The following SHISA9 variants were observed in gnomAD, a reference collection of about 807,000 sequenced individuals.
SHISA9 encodes the protein protein shisa-9.
SHISA9 carries 13 observed loss-of-function variants against 38.0 expected under a neutral mutation model. The ratio of observed to expected loss-of-function variants is 0.34; its 90% CI spans 0.22 to 0.54. The LOEUF is 0.54. Ranked by LOEUF, SHISA9 falls within the 20% of genes least tolerant of loss-of-function variation. The pLI is 0.91. For synonymous variants in SHISA9, 275 were observed against 242.0 expected (o/e 1.14, Z -1.27); for missense variants, 538 against 575.8 (o/e 0.93, Z 0.67).
At chr16:13,286,666 G>T in the SHISA9 span, among the ~76,000 whole-genome samples, 2 of 152,184 alleles carry the variant, frequency 1.3e-5, no homozygotes, top group African/African-American at 4.8e-5. Flanking sequence ...TTTATCACTA[G>T]AGGATAATCA....
the SHISA9 span, among the ~76,000 whole-genome samples, chr16:13,456,817 G>A: frequency 6.6e-6 from 1 of 152,222 alleles, no homozygotes; most frequent in Non-Finnish European, 1.5e-5. Context: ...CAAGTCCCAG[G>A]TAATTGTCCA....
the SHISA9 span, among the ~76,000 whole-genome samples, chr16:13,295,243 C>G: frequency 1.3e-5 from 2 of 152,044 alleles, no homozygotes; most frequent in Non-Finnish European, 1.5e-5. Flanking sequence ...ATTTTGTAGA[C>G]AAAGGAAAAT....
intron 2 of SHISA9, among the ~76,000 whole-genome samples, chr16:13,071,388 C>G (rs776360998): frequency 6.6e-6 from 1 of 152,106 alleles, no homozygotes; most frequent in African/African-American, 2.4e-5. Context: ...TGGAATCCTT[C>G]CAACAATTCC....
chr16:13,546,011 G>T, the SHISA9 span, among the ~76,000 whole-genome samples: 3 of 152,242 alleles, frequency 2.0e-5, no homozygotes, highest in East Asian at 1.9e-4. Flanking sequence ...CTTGCCTGTC[G>T]TGTGGATGGC....
rs542094200 is a variant in SHISA9 at position 13,232,952 on chromosome 16, A to G, written c.896-2078A>G. ...CGATTGGGAGGGCCTGGAAGAAAAAATCTAGCTATGTTAATAGAGCTTATT... is the reference window on the plus strand; with the variant it reads ...CGATTGGGAGGGCCTGGAAGAAAAAGTCTAGCTATGTTAATAGAGCTTATT... On this transcript the variant is annotated intron_variant, in intron 4 of 4. Transcript: ENST00000558583. Among the ~76,000 whole-genome samples, 30 of 152,308 alleles carry G rather than the reference A, an allele frequency of 2.0e-4. No homozygotes were observed. The South Asian group carries it at 5.6e-3, about 28-fold the overall frequency.
At chr16:13,309,033 C>T in the SHISA9 span, among the ~76,000 whole-genome samples, 236 of 152,338 alleles carry the variant, frequency 1.5e-3, 1 homozygote, top group Non-Finnish European at 4.1e-4. Flanking sequence ...CTCTTGGTCT[C>T]TCTTGCCTTT....
At chr16:13,314,338 C>A in the SHISA9 span, among the ~76,000 whole-genome samples, 1 of 151,976 alleles carries the variant, frequency 6.6e-6, no homozygotes, top group Non-Finnish European at 1.5e-5. Context: ...CTCAGCCTCC[C>A]GAGTAGCTGG....
At chr16:13,327,738 C>A in the SHISA9 span, among the ~76,000 whole-genome samples, 1 of 151,966 alleles carries the variant, frequency 6.6e-6, no homozygotes, top group Non-Finnish European at 1.5e-5. Flanking sequence ...CTCACTGAAA[C>A]CTCCGCCTCC....
chr16:13,439,880 T>C, the SHISA9 span, among the ~76,000 whole-genome samples: 2 of 152,166 alleles, frequency 1.3e-5, no homozygotes, highest in Non-Finnish European at 2.9e-5. Context: ...GGGAGTCAAC[T>C]CTGCTTCTTC....
intron 2 of SHISA9, among the ~76,000 whole-genome samples, chr16:13,043,182 A>C (rs1203868504): frequency 6.6e-6 from 1 of 152,146 alleles, no homozygotes; most frequent in Non-Finnish European, 1.5e-5. Context: ...GTCAACATCT[A>C]ACCAGTAAGT....
chr16:13,130,251 A>T (rs1260455172), intron 2 of SHISA9, among the ~76,000 whole-genome samples: 1 of 152,120 alleles, frequency 6.6e-6, no homozygotes. Flanking sequence ...CCTTCCAGCA[A>T]CCTTAAGATT....
intron 2 of SHISA9, among the ~76,000 whole-genome samples, chr16:13,152,478 G>A (rs533927847): frequency 2.1e-4 from 32 of 152,328 alleles, no homozygotes; most frequent in African/African-American, 6.0e-4. Flanking sequence ...ATCAGAAGAT[G>A]TTCTAGAGAA....
chr16:13,098,294 C>T (rs2073846568), intron 2 of SHISA9, among the ~76,000 whole-genome samples: 2 of 152,172 alleles, frequency 1.3e-5, no homozygotes, highest in Admixed American at 1.3e-4. Flanking sequence ...GCTGGATTGC[C>T]ACGAATCCCA....
At chr16:13,049,846 G>A (rs2073230558) in intron 2 of SHISA9, among the ~76,000 whole-genome samples, 1 of 151,698 alleles carries the variant, frequency 6.6e-6, no homozygotes, top group Non-Finnish European at 1.5e-5. Context: ...CTGAATGGGG[G>A]TTCTGATCCT....
At chr16:12,997,394 G>A (rs1288584207) in intron 2 of SHISA9, among the ~76,000 whole-genome samples, 1 of 147,258 alleles carries the variant, frequency 6.8e-6, no homozygotes, top group African/African-American at 2.5e-5. Context: ...CATGTTTCCA[G>A]TTTAGGCTTA....
chr16:13,090,554 T>C (rs1037216483), intron 2 of SHISA9, among the ~76,000 whole-genome samples: 8 of 152,230 alleles, frequency 5.3e-5, no homozygotes, highest in African/African-American at 1.9e-4. Context: ...TACCATTATG[T>C]AATGGTCTTT....
At chr16:13,073,673 G>A (rs1310215799) in intron 2 of SHISA9, among the ~76,000 whole-genome samples, 1 of 152,100 alleles carries the variant, frequency 6.6e-6, no homozygotes, top group African/African-American at 2.4e-5. Flanking sequence ...ATGTTATTAA[G>A]GTAAAGATTA....
intron 2 of SHISA9, among the ~76,000 whole-genome samples, chr16:13,139,260 A>C: frequency 2.5e-5 from 3 of 118,992 alleles, no homozygotes; most frequent in East Asian, 2.4e-4. Flanking sequence ...TTTTCTTTCT[A>C]ATTCCCTTCC....
chr16:13,154,949 CTAGACATCACTCAT>C (rs1225177560), intron 2 of SHISA9, among the ~76,000 whole-genome samples: 2 of 152,216 alleles, frequency 1.3e-5, no homozygotes, highest in African/African-American at 4.8e-5. Flanking sequence ...ACATCCCTCT[CTAGACATCACTCAT>C]GGTACACATG....
Sources: gnomAD v4.1 joint callset for allele counts (sites outside exome capture counted in the v4.1 genomes callset) on GRCh38, gnomAD v4.1.1 for gene constraint, MANE v1.5 for transcripts, NCBI Gene and HGNC (gene_info 2026-07-23, HGNC 2026-07-21) for gene names.